Variants in ELMO1 observed in about 807,000 individuals in gnomAD.
The protein encoded by ELMO1 is engulfment and cell motility 1.
ELMO1 carries 26 observed loss-of-function variants against 98.9 expected under a neutral mutation model. The observed-to-expected ratio is 0.26, with a 90% CI of 0.19 to 0.36. The LOEUF is 0.36. Among genes scored for constraint, ELMO1 ranks in the 10% least tolerant of loss-of-function variants. The pLI is 1.00. For synonymous variants in ELMO1, 346 were observed against 346.0 expected (o/e 1.00, Z 0.00); for missense variants, 627 against 935.2 (o/e 0.67, Z 4.30).
intron 1 of ELMO1, among the ~76,000 whole-genome samples, chr7:37,376,460 T>C (rs1042339398): frequency 6.6e-6 from 1 of 152,196 alleles, no homozygotes; most frequent in Non-Finnish European, 1.5e-5. Flanking sequence ...ATAGATAACA[T>C]CACGATTGTA....
intron 7 of ELMO1, among the ~76,000 whole-genome samples, chr7:37,236,343 C>G (rs776262080): frequency 2.6e-5 from 4 of 152,126 alleles, no homozygotes; most frequent in Non-Finnish European, 5.9e-5. Context: ...AGGTGCAGCA[C>G]CATTTCTGAG....
intron 15 of ELMO1, among the ~76,000 whole-genome samples, chr7:37,085,660 C>T (rs948051493): frequency 3.9e-5 from 6 of 152,026 alleles, no homozygotes; most frequent in African/African-American, 7.3e-5. Flanking sequence ...AAAAAATAAC[C>T]CGTGGGTCCA....
intron 2 of ELMO1, among the ~76,000 whole-genome samples, chr7:37,323,466 G>T (rs1453580690): frequency 6.6e-6 from 1 of 152,182 alleles, no homozygotes; most frequent in Admixed American, 6.5e-5. Flanking sequence ...GCCAAGCCAG[G>T]TGGATCACTT....
intron 1 of ELMO1, among the ~76,000 whole-genome samples, chr7:37,387,744 T>C (rs1802870450): frequency 6.6e-6 from 1 of 152,228 alleles, no homozygotes; most frequent in Non-Finnish European, 1.5e-5. Flanking sequence ...GATGTACTTT[T>C]GTATAGAAAA....
intron 21 of ELMO1, among the ~76,000 whole-genome samples, chr7:36,856,499 G>T (rs539487390): frequency 6.6e-6 from 1 of 152,154 alleles, no homozygotes; most frequent in Non-Finnish European, 1.5e-5. Flanking sequence ...GATATTATCT[G>T]TTTTGGAAAG....
At chr7:37,112,638 T>C (rs1214167736) in intron 14 of ELMO1, among the ~76,000 whole-genome samples, 4 of 152,240 alleles carry the variant, frequency 2.6e-5, no homozygotes, top group Non-Finnish European at 5.9e-5. Flanking sequence ...AGGGTTGTTA[T>C]ATCTGTTATT....
At chr7:36,989,192 G>A (rs952854574) in intron 16 of ELMO1, among the ~76,000 whole-genome samples, 7 of 152,158 alleles carry the variant, frequency 4.6e-5, no homozygotes, top group African/African-American at 1.7e-4. Flanking sequence ...AAAGCTCTGT[G>A]AGATGTTATT....
chr7:37,403,904 C>A (rs901715879), intron 1 of ELMO1, among the ~76,000 whole-genome samples: 1 of 152,068 alleles, frequency 6.6e-6, no homozygotes, highest in Non-Finnish European at 1.5e-5. Context: ...TCTTAATGAA[C>A]TGTTGTTGTT....
chr7:37,249,496 C>G (rs1245442720), intron 6 of ELMO1, among the ~76,000 whole-genome samples: 1 of 152,116 alleles, frequency 6.6e-6, no homozygotes, highest in East Asian at 1.9e-4. Flanking sequence ...CTCAATGAAA[C>G]AAATAAAACA....
At chr7:37,181,390 G>C (rs2129993199) in intron 13 of ELMO1, among the ~76,000 whole-genome samples, 1 of 152,022 alleles carries the variant, frequency 6.6e-6, no homozygotes, top group African/African-American at 2.4e-5. Context: ...CCTCTCTGTG[G>C]GCTACTCTTC....
chr7:37,166,438 A>G (rs959327874), intron 13 of ELMO1, among the ~76,000 whole-genome samples: 4 of 151,826 alleles, frequency 2.6e-5, no homozygotes, highest in African/African-American at 9.7e-5. Context: ...TTAGGGTGTC[A>G]ATTTTGGATC....
intron 16 of ELMO1, among the ~76,000 whole-genome samples, chr7:36,926,148 T>A (rs923195959): frequency 1.2e-4 from 19 of 152,170 alleles, no homozygotes; most frequent in Admixed American, 9.2e-4. Flanking sequence ...ATAAGGAAGA[T>A]CCCAGCTGCC....
At position 36,943,149 on chromosome 7, in the gene ELMO1, C is replaced by G. The variant is rs533307229; in HGVS notation, c.1438-48132G>C. On this transcript the variant is annotated intron_variant, in intron 16 of 21. Transcript: ENST00000310758. ...TCCCACATCTGTACACTGGGGACAA[C>G]GCTGGCCACTGCAGCGGGTCGAGGT... Among the ~76,000 whole-genome samples the G allele has an allele frequency of 4.6e-5, 7 of 152,304 alleles. No homozygotes were observed. The East Asian group carries it at 7.7e-4, about 17-fold the overall frequency.
chr7:37,255,100 G>A (rs746191475), intron 6 of ELMO1, among the ~76,000 whole-genome samples: 7 of 152,052 alleles, frequency 4.6e-5, no homozygotes, highest in Non-Finnish European at 7.4e-5. Context: ...TAAGCATTAC[G>A]GACTGAAGTG....
In ELMO1 at chr7:36,854,045, AAG is replaced by A. The variant is rs1374136054; in HGVS notation, c.*1504_*1505del. On this transcript the variant is annotated 3_prime_UTR_variant, in exon 22 of 22. Coordinates refer to ENST00000310758, the MANE Select transcript of ELMO1 (RefSeq NM_014800.11). ...AATTATATCATGGTAAGAAAGAAAA[AAG>A]AGAAAGTCATGGTCAAGAGACAGCA... Among the ~76,000 whole-genome samples the A allele has an allele frequency of 6.6e-6, 1 of 152,216 alleles. No individual in the cohort carries two copies. The highest frequency in any genetic ancestry group is 1.5e-5 in the Non-Finnish European group (1 of 68,040).
chr7:36,961,692 C>T (rs1040697905), intron 16 of ELMO1, among the ~76,000 whole-genome samples: 3 of 152,014 alleles, frequency 2.0e-5, no homozygotes, highest in Non-Finnish European at 2.9e-5. Context: ...AAACACAAAT[C>T]ATTAAATAGC....
chr7:37,331,203 T>C (rs1800085488), intron 2 of ELMO1, among the ~76,000 whole-genome samples: 1 of 150,736 alleles, frequency 6.6e-6, no homozygotes, highest in Admixed American at 6.6e-5. Flanking sequence ...ACAGTCTCGC[T>C]CTGTCGCCCA....
At chr7:37,164,016 TA>T (rs1231006190) in intron 13 of ELMO1, among the ~76,000 whole-genome samples, 6 of 152,232 alleles carry the variant, frequency 3.9e-5, no homozygotes, top group Admixed American at 3.9e-4. Flanking sequence ...CCTGACTTTT[TA>T]ATGATTGCCA....
intron 8 of ELMO1, among the ~76,000 whole-genome samples, chr7:37,225,480 C>A (rs1387544456): frequency 6.6e-6 from 1 of 152,156 alleles, no homozygotes; most frequent in Non-Finnish European, 1.5e-5. Flanking sequence ...TTATTATGTT[C>A]TTGTTGCATT....
Sources: gnomAD v4.1 joint callset for allele counts (sites outside exome capture counted in the v4.1 genomes callset) on GRCh38, gnomAD v4.1.1 for gene constraint, MANE v1.5 for transcripts, NCBI Gene and HGNC (gene_info 2026-07-23, HGNC 2026-07-21) for gene names.